The following VGLL4 variants were observed in gnomAD, a reference collection of about 807,000 sequenced individuals.
The protein encoded by VGLL4 is transcription cofactor vestigial-like protein 4.
VGLL4 carries 7 observed loss-of-function variants against 21.0 expected under a neutral mutation model. That is an observed-to-expected ratio of 0.33 (90% CI 0.19 to 0.63). VGLL4 has a LOEUF of 0.63. Ranked by LOEUF, VGLL4 falls within the 20% of genes least tolerant of loss-of-function variation. The pLI, the probability that VGLL4 is intolerant of heterozygous loss-of-function variation, is 0.78. For missense variants in VGLL4, 394 were observed against 425.7 expected, an observed-to-expected ratio of 0.93 and a Z score of 0.66; for synonymous variants, 222 against 173.2, an observed-to-expected ratio of 1.28 and a Z score of -2.21.
chr3:11,679,808 G>A (rs1214603738), intron 2 of VGLL4, among the ~76,000 whole-genome samples: 1 of 152,136 alleles, frequency 6.6e-6, no homozygotes, highest in Non-Finnish European at 1.5e-5. Context: ...TTTAAAAAAA[G>A]TTTATCAAGT....
At chr3:11,645,447 G>A (rs1338471822), upstream of VGLL4, among the ~76,000 whole-genome samples, 3 of 143,960 alleles carry the variant, frequency 2.1e-5, no homozygotes, top group African/African-American at 5.2e-5. Context: ...AAAATTAGCC[G>A]GGCGCGGTGG....
intron 2 of VGLL4, among the ~76,000 whole-genome samples, chr3:11,695,042 T>G (rs913468919): frequency 6.6e-6 from 1 of 150,654 alleles, no homozygotes; most frequent in African/African-American, 2.5e-5. Context: ...CGTAAGGGAA[T>G]GTTCTCATTC....
chr3:11,682,443 T>TAAG (rs1290176426), intron 2 of VGLL4, among the ~76,000 whole-genome samples: 1 of 139,534 alleles, frequency 7.2e-6, no homozygotes, highest in African/African-American at 2.7e-5. Flanking sequence ...GCAGGTGTGG[T>TAAG]GGTGGGCACC....
chr3:11,689,222 A>C (rs2076492063), intron 2 of VGLL4, among the ~76,000 whole-genome samples: 1 of 151,972 alleles, frequency 6.6e-6, no homozygotes, highest in African/African-American at 2.4e-5. Context: ...TTTTCTAATA[A>C]ATGCATCTTC....
chr3:11,665,699 C>T (rs1288668900), intron 2 of VGLL4, among the ~76,000 whole-genome samples: 6 of 152,260 alleles, frequency 3.9e-5, no homozygotes, highest in African/African-American at 1.4e-4. Context: ...ATTCATTCAG[C>T]ATATATTTAC....
intron 3 of VGLL4, 29 bp downstream of exon 3, chr3:11,564,768 C>T: frequency 6.5e-7 from 1 of 1,532,152 alleles, no homozygotes; most frequent in Non-Finnish European, 8.7e-7. Context: ...CCTGGACTCC[C>T]CACGCCACCC....
intron 2 of VGLL4, among the ~76,000 whole-genome samples, chr3:11,688,959 T>C (rs2076487818): frequency 6.6e-6 from 1 of 151,420 alleles, no homozygotes; most frequent in Admixed American, 6.6e-5. Context: ...TGGAGGGAGG[T>C]TGCAGTGAGC....
In VGLL4 at chr3:11,568,378, G is replaced by A. The variant is rs182671302; in HGVS notation, c.273-3359C>T. Among the ~76,000 whole-genome samples the A allele has an allele frequency of 1.6e-3, 239 of 152,294 alleles. 1 individual carries two copies. Among genetic ancestry groups the A allele is most frequent in the Middle Eastern group, 6.8e-3 (2 of 294 alleles). ...CAGCTGCCAGGGCAGAGGTAAGGAC[G>A]GGGCAGCCCTGCACCTAAATCTGCC... On this transcript the variant is annotated intron_variant, in intron 2 of 4. Transcript: ENST00000430365. The surrounding 1 kb of genome is among the most constrained non-coding windows in gnomAD (Gnocchi z 5.9).
chr3:11,574,785 A>ATGTGTGTGTG (rs375691226), intron 2 of VGLL4, among the ~76,000 whole-genome samples: 2,084 of 121,702 alleles, frequency 0.017, 60 homozygotes, highest in East Asian at 0.065. Flanking sequence ...TCAACTATAT[A>ATGTGTGTGTG]TGTGTGTGTG....
At chr3:11,587,757 C>T (rs1301557229) in intron 2 of VGLL4, among the ~76,000 whole-genome samples, 3 of 152,188 alleles carry the variant, frequency 2.0e-5, no homozygotes, top group Non-Finnish European at 4.4e-5. Flanking sequence ...CTTTCATATA[C>T]CTCACTTTAT....
At chr3:11,619,719 C>T (rs996128503) in intron 1 of VGLL4, among the ~76,000 whole-genome samples, 12 of 152,134 alleles carry the variant, frequency 7.9e-5, no homozygotes, top group East Asian at 1.9e-4. Flanking sequence ...CCTTATTCCA[C>T]CCCATTCACC....
chr3:11,696,021 A>T (rs947191174), intron 2 of VGLL4, among the ~76,000 whole-genome samples: 1 of 152,340 alleles, frequency 6.6e-6, no homozygotes, highest in African/African-American at 2.4e-5. Flanking sequence ...CGAAATACAT[A>T]GAGAAACAGA....
At chr3:11,708,047 G>C (rs1169011297) in intron 1 of VGLL4, among the ~76,000 whole-genome samples, 2 of 152,092 alleles carry the variant, frequency 1.3e-5, no homozygotes, top group Non-Finnish European at 2.9e-5. Flanking sequence ...ATTAGCATCA[G>C]GATTAATATG....
chr3:11,628,444 C>G (rs6783816), intron 1 of VGLL4, among the ~76,000 whole-genome samples: 30 of 150,192 alleles, frequency 2.0e-4, no homozygotes, highest in African/African-American at 7.3e-4. Flanking sequence ...AAAATAGATA[C>G]AATGTGTTGA....
intron 2 of VGLL4, among the ~76,000 whole-genome samples, chr3:11,688,976 C>T (rs1029565844): frequency 4.6e-5 from 7 of 151,650 alleles, no homozygotes; most frequent in South Asian, 2.1e-4. Flanking sequence ...GAGCCAGTAT[C>T]GTGACACTAC....
At chr3:11,597,960 T>C (rs1333721096) in intron 2 of VGLL4, among the ~76,000 whole-genome samples, 1 of 152,218 alleles carries the variant, frequency 6.6e-6, no homozygotes, top group East Asian at 1.9e-4. Context: ...AAGAAATCAC[T>C]AAGGAAACCT....
chr3:11,573,357 A>G (rs564763719), intron 2 of VGLL4, among the ~76,000 whole-genome samples: 62 of 110,626 alleles, frequency 5.6e-4, no homozygotes, highest in African/African-American at 1.4e-3. Flanking sequence ...GAAAGAAAGA[A>G]AGAAAGAAAG....
rs1559844145 is a variant in VGLL4, at chr3:11,557,035, G to C, written c.*1521C>G. 1 of 152,464 alleles carries C rather than the reference G, an allele frequency of 6.6e-6. No homozygotes were observed. Among genetic ancestry groups the C allele is most frequent in the Non-Finnish European group, 1.5e-5 (1 of 68,048 alleles). The allele number at this position is 152,464 out of a possible 1,614,324, so 9.4% of individuals were successfully genotyped here. A position where few individuals can be genotyped will look rare whatever the true frequency, so the allele number is the denominator to read the frequency against. On this transcript the variant is annotated 3_prime_UTR_variant, in exon 5 of 5. Transcript: ENST00000430365. ...TCATACGGTGTGCAGAGTCCACAAA[G>C]CCTTGCAGGTGAGGTGACCACGCCC...
chr3:11,662,223 C>T (rs1236434241), intron 2 of VGLL4, among the ~76,000 whole-genome samples: 1 of 152,220 alleles, frequency 6.6e-6, no homozygotes, highest in Non-Finnish European at 1.5e-5. Flanking sequence ...CCATGATCCT[C>T]TGAGTCAAAC....
Sources: gnomAD v4.1 joint callset for allele counts (sites outside exome capture counted in the v4.1 genomes callset) on GRCh38, gnomAD v4.1.1 for gene constraint, Gnocchi (gnomAD v3.1) non-coding constraint, MANE v1.5 for transcripts, NCBI Gene and HGNC (gene_info 2026-07-23, HGNC 2026-07-21) for gene names.